Variants in CIT observed in about 807,000 individuals in gnomAD.
The protein encoded by CIT is citron Rho-interacting kinase.
In CIT, 79 loss-of-function variants were observed where a neutral mutation model predicts 272.7. That is an observed-to-expected ratio of 0.29 (90% CI 0.24 to 0.35). The LOEUF is 0.35. Among genes scored for constraint, CIT ranks in the 10% least tolerant of loss-of-function variants. The pLI, the probability that CIT is intolerant of heterozygous loss-of-function variation, is 1.00. For missense variants in CIT, 1,909 were observed against 2,618.3 expected (o/e 0.73, Z 5.91); for synonymous variants, 948 against 995.6 (o/e 0.95, Z 0.90).
Position 119,697,496 on chromosome 12 carries a change from T to C in CIT, c.5882+163A>G, listed in dbSNP as rs1956292743. Among the ~76,000 whole-genome samples, 1 of 152,238 alleles carries C rather than the reference T, an allele frequency of 6.6e-6. No individual in the cohort carries two copies. The highest frequency in any genetic ancestry group is 6.5e-5 in the Admixed American group (1 of 15,284). ...TTTCTAATTCTCCTGATGCTCATAA[T>C]GGTCTGTGTTATTTCAGTGCCGCAG... On this transcript the variant is annotated intron_variant, in intron 46 of 47. Coordinates refer to ENST00000392521, the MANE Select transcript of CIT (RefSeq NM_001206999.2). This position sits in a 1 kb window ranked among gnomAD's most constrained non-coding sequence, Gnocchi z 4.9.
At chr12:119,855,963 G>A (rs114347313) in intron 4 of CIT, among the ~76,000 whole-genome samples, 99 of 152,282 alleles carry the variant, frequency 6.5e-4, no homozygotes, top group African/African-American at 2.2e-3. Flanking sequence ...ATGAGACACA[G>A]TTCTTTCTCA....
At position 119,857,642 on chromosome 12, in the gene CIT, CT is replaced by C; in HGVS notation, c.294del (p.Val99SerfsTer5). On this transcript the variant is annotated frameshift_variant, in exon 4 of 48. Transcript: ENST00000392521. LOFTEE classifies it high-confidence loss of function. ...TGACCACAACCTACAAGACTTCTGACTTCGAAGTCCTTTGCCGAAGGCTGGA... is the reference window on the plus strand; with the variant it reads ...TGACCACAACCTACAAGACTTCTGACTCGAAGTCCTTTGCCGAAGGCTGGA... ...QELQPSAKDF[E>X]VRSLVGCGHF... 6.2e-7 allele frequency: 1 copy of C among 1,614,192 alleles called. No individual in the cohort carries two copies. Among genetic ancestry groups the C allele is most frequent in the Non-Finnish European group, 8.5e-7 (1 of 1,180,034 alleles).
At position 119,718,245 on chromosome 12, in the gene CIT, C is replaced by T. The variant is rs1593463610; in HGVS notation, c.4168G>A (p.Glu1390Lys). The part of the protein sequence containing the change: ...SRRKESSTPE[E>K]FSRRLKERMH... ...AAATTTCCATACAACTCCAACGTAC[C>T]CTCTGGAGTTGAAGACTCCTTTCTG... Residue 1390 changes from glutamate to lysine, a missense_variant and splice_region_variant, in exon 32 of 48, where the codon GAA becomes AAA. This residue lies in a region of CIT where 780 missense variants were observed against 1,067.2 expected (regional missense o/e 0.73). Coordinates refer to ENST00000392521, the MANE Select transcript of CIT (RefSeq NM_001206999.2). The surrounding 1 kb of genome is among the most constrained non-coding windows in gnomAD (Gnocchi z 4.8). 1 of 1,610,258 alleles carries T rather than the reference C, an allele frequency of 6.2e-7. No homozygotes were observed. Among genetic ancestry groups the T allele is most frequent in the Non-Finnish European group, 8.5e-7 (1 of 1,177,820 alleles).
Position 119,804,278 on chromosome 12 carries a change from G to T in CIT, c.1112-889C>A, listed in dbSNP as rs1966454820. On this transcript the variant is annotated intron_variant, in intron 9 of 47. Transcript: ENST00000392521. This position sits in a 1 kb window ranked among gnomAD's most constrained non-coding sequence, Gnocchi z 5.3. ...CTCGTCCATCAGTCACCAGGAGGCT[G>T]CCCATCGCGGTGGGCTCCCGGGGGT... 2.0e-6 allele frequency: 2 copies of T among 985,524 alleles called. No individual in the cohort carries two copies. The highest frequency in any genetic ancestry group is 1.2e-6 in the Non-Finnish European group (1 of 829,990). 61.0% of individuals were successfully genotyped at this position (985,524 alleles called of 1,614,324 possible).
intron 20 of CIT, 44 bp from the exon 21 acceptor site, chr12:119,758,744 A>C (rs1306873907): frequency 7.7e-7 from 1 of 1,295,658 alleles, no homozygotes; most frequent in Non-Finnish European, 1.1e-6. Context: ...CCAGAACAGG[A>C]GTAACAGGGG....
intron 27 of CIT, among the ~76,000 whole-genome samples, chr12:119,729,095 T>C (rs1958289740): frequency 6.6e-6 from 1 of 152,180 alleles, no homozygotes; most frequent in East Asian, 1.9e-4. Context: ...TAGGAGAAGA[T>C]CAAGACAATA....
chr12:119,739,477 C>A (rs1228237252), intron 24 of CIT, among the ~76,000 whole-genome samples: 1 of 151,954 alleles, frequency 6.6e-6, no homozygotes, highest in African/African-American at 2.4e-5. Context: ...TTGGGCAATG[C>A]CAAGAAAGAA....
chr12:119,741,994 G>T (rs182504600), intron 24 of CIT, among the ~76,000 whole-genome samples: 1 of 152,110 alleles, frequency 6.6e-6, no homozygotes, highest in Non-Finnish European at 1.5e-5. Context: ...TCTTTCCTCC[G>T]CAGGGGCAGC....
Position 119,825,324 on chromosome 12 carries a change from A to G in CIT, c.798T>C (p.Pro266=), listed in dbSNP as rs1246628318. The change falls in exon 8 of 48, where the codon CCT becomes CCC. Residue 266 remains proline (P), a synonymous_variant. Transcript: ENST00000392521. ...LPIGTPDYMA[P]EVLTVMNGDG... ...CCCCGTTCATCACAGTCAGCACTTC[A>G]GGAGCCATGTAATCTGGGGTCCCAA... 3 of 1,614,062 alleles carry G rather than the reference A, an allele frequency of 1.9e-6. No homozygotes were observed. Among genetic ancestry groups the G allele is most frequent in the African/African-American group, 2.7e-5 (2 of 74,928 alleles).
At chr12:119,733,441 G>A (rs1958579565) in intron 26 of CIT, among the ~76,000 whole-genome samples, 1 of 151,378 alleles carries the variant, frequency 6.6e-6, no homozygotes, top group Admixed American at 6.6e-5. Flanking sequence ...GGCTGAAGAA[G>A]GAGAATTCCT....
chr12:119,735,430 G>T, intron 24 of CIT, 73 bp from the exon 25 acceptor site: 1 of 1,494,796 alleles, frequency 6.7e-7, no homozygotes, highest in Non-Finnish European at 9.3e-7. Context: ...CTAGGGCTAT[G>T]GATTTCTGAA....
chr12:119,751,968 G>T, intron 23 of CIT, 82 bp downstream of exon 23: 1 of 1,226,108 alleles, frequency 8.2e-7, no homozygotes, highest in Non-Finnish European at 1.1e-6. Flanking sequence ...TTCTAAGGGT[G>T]AGCCAGTATA....
intron 7 of CIT, among the ~76,000 whole-genome samples, chr12:119,829,402 A>AAGAGAAGAGAAGAGAAGAGCAGAGC (rs1195057367): frequency 6.7e-6 from 1 of 150,176 alleles, no homozygotes; most frequent in African/African-American, 2.4e-5. Context: ...AAGAGAAGAG[A>AAGAGAAGAGAAGAGAAGAGCAGAGC]AGAGCTTACA....
chr12:119,780,278 A>G (rs1260650303), intron 13 of CIT, among the ~76,000 whole-genome samples: 1 of 152,082 alleles, frequency 6.6e-6, no homozygotes, highest in Non-Finnish European at 1.5e-5. Context: ...ACCAAATCTA[A>G]ATATTCTAGA....
At chr12:119,769,728 G>T (rs1224553989) in intron 18 of CIT, among the ~76,000 whole-genome samples, 1 of 152,190 alleles carries the variant, frequency 6.6e-6, no homozygotes, top group Admixed American at 6.5e-5. Context: ...TACAAAGACT[G>T]GGTGTCTTAG....
At chr12:119,869,635 G>C (rs1352479063) in intron 2 of CIT, among the ~76,000 whole-genome samples, 2 of 152,164 alleles carry the variant, frequency 1.3e-5, no homozygotes. Context: ...GAACAACCTA[G>C]AGTAATAAGA....
chr12:119,841,194 A>G (rs1468154835), intron 5 of CIT, among the ~76,000 whole-genome samples: 3 of 137,936 alleles, frequency 2.2e-5, no homozygotes, highest in African/African-American at 8.2e-5. Flanking sequence ...TTTTTTTTTG[A>G]GATGGAGTCT....
intron 9 of CIT, among the ~76,000 whole-genome samples, chr12:119,812,763 T>G (rs1387188664): frequency 8.0e-6 from 1 of 124,376 alleles, no homozygotes; most frequent in East Asian, 2.6e-4. Context: ...TTTTTTTTTT[T>G]GAGATGGAGT....
At chr12:119,745,225 G>C (rs1290014532) in intron 23 of CIT, among the ~76,000 whole-genome samples, 8 of 140,184 alleles carry the variant, frequency 5.7e-5, no homozygotes, top group African/African-American at 2.1e-4. Flanking sequence ...AAAAAAAACA[G>C]CCAGAGAAAA....
Sources: allele counts gnomAD v4.1 joint callset (sites outside exome capture counted in the v4.1 genomes callset), GRCh38; gene constraint gnomAD v4.1.1; regional missense constraint gnomAD v4.1.1; non-coding constraint Gnocchi (gnomAD v3.1); transcripts MANE v1.5; gene names NCBI Gene and HGNC (gene_info 2026-07-23, HGNC 2026-07-21).